The following ABTB3 variants were observed in gnomAD, a reference collection of about 807,000 sequenced individuals.
ABTB3 encodes the protein ankyrin repeat and BTB domain containing 3.
chr12:107,466,127 A>C, the ABTB3 span, among the ~76,000 whole-genome samples: 1 of 152,034 alleles, frequency 6.6e-6, no homozygotes, highest in African/African-American at 2.4e-5. Flanking sequence ...CTTTGGGGGA[A>C]AGTCTTAGTG....
the ABTB3 span, among the ~76,000 whole-genome samples, chr12:107,382,691 A>G: frequency 2.0e-5 from 3 of 152,148 alleles, no homozygotes; most frequent in Non-Finnish European, 4.4e-5. Flanking sequence ...GTCCTCACTC[A>G]TAAGTGGGAG....
At chr12:107,344,389 G>T in the ABTB3 span, among the ~76,000 whole-genome samples, 1 of 152,134 alleles carries the variant, frequency 6.6e-6, no homozygotes, top group African/African-American at 2.4e-5. Flanking sequence ...AAATTGGTTG[G>T]GTTGCCAACC....
the ABTB3 span, among the ~76,000 whole-genome samples, chr12:107,478,710 C>T: frequency 3.9e-5 from 6 of 152,122 alleles, no homozygotes; most frequent in African/African-American, 9.6e-5. Flanking sequence ...GTATATTTCA[C>T]GTGCGGGGAG....
chr12:107,528,094 G>A, the ABTB3 span, among the ~76,000 whole-genome samples: 2 of 152,186 alleles, frequency 1.3e-5, no homozygotes, highest in Admixed American at 6.5e-5. Context: ...GTATCAGCAT[G>A]GGTTTGGGCA....
chr12:107,465,788 C>T, the ABTB3 span, among the ~76,000 whole-genome samples: 2 of 152,160 alleles, frequency 1.3e-5, no homozygotes. Context: ...GCCTAACATC[C>T]CTGACTTCCC....
chr12:107,382,709 A>G, the ABTB3 span, among the ~76,000 whole-genome samples: 3 of 150,564 alleles, frequency 2.0e-5, no homozygotes, highest in Admixed American at 2.0e-4. Flanking sequence ...GAGTTGAACA[A>G]TGAGAACACA....
the ABTB3 span, among the ~76,000 whole-genome samples, chr12:107,651,125 G>A: frequency 1.1e-4 from 17 of 151,762 alleles, no homozygotes; most frequent in African/African-American, 3.6e-4. Context: ...GGCCGGCACC[G>A]TGCTCAGGGC....
At chr12:107,347,273 A>G in the ABTB3 span, among the ~76,000 whole-genome samples, 1 of 152,230 alleles carries the variant, frequency 6.6e-6, no homozygotes. Flanking sequence ...GGAGATATAA[A>G]GTTAAATATC....
the ABTB3 span, chr12:107,319,444 C>A: frequency 6.2e-7 from 1 of 1,607,614 alleles, no homozygotes; most frequent in Non-Finnish European, 8.5e-7. Context: ...CCATGGAGAT[C>A]GTGCTGTCCT....
the ABTB3 span, among the ~76,000 whole-genome samples, chr12:107,390,941 A>G: frequency 6.6e-6 from 1 of 152,298 alleles, no homozygotes; most frequent in Admixed American, 6.5e-5. Context: ...ACCTGAGGTC[A>G]GGAGTTTGAG....
chr12:107,371,478 C>T, the ABTB3 span, among the ~76,000 whole-genome samples: 16 of 152,242 alleles, frequency 1.1e-4, no homozygotes, highest in East Asian at 1.4e-3. Context: ...GAGCTGGCCT[C>T]GTTTCAGAGC....
chr12:107,380,177 A>T, the ABTB3 span, among the ~76,000 whole-genome samples: 9 of 152,216 alleles, frequency 5.9e-5, 1 homozygote, highest in Non-Finnish European at 1.2e-4. Context: ...ACCAGTGTTT[A>T]CGAATGGGTG....
chr12:107,424,718 C>T, the ABTB3 span, among the ~76,000 whole-genome samples: 1 of 152,274 alleles, frequency 6.6e-6, no homozygotes, highest in African/African-American at 2.4e-5. Context: ...ACCTGTATAC[C>T]ACCCAGCTGT....
At chr12:107,605,799 T>C in the ABTB3 span, among the ~76,000 whole-genome samples, 5 of 152,152 alleles carry the variant, frequency 3.3e-5, no homozygotes, top group African/African-American at 1.2e-4. Context: ...ATGCTGGTCT[T>C]TGAGACCCAG....
chr12:107,558,822 GAGA>G, the ABTB3 span, among the ~76,000 whole-genome samples: 2 of 152,220 alleles, frequency 1.3e-5, no homozygotes, highest in East Asian at 1.9e-4. Flanking sequence ...TTTAACAGAT[GAGA>G]AGAGTGAGGA....
chr12:107,343,506 C>A, the ABTB3 span, among the ~76,000 whole-genome samples: 1 of 152,128 alleles, frequency 6.6e-6, no homozygotes, highest in Admixed American at 6.5e-5. Context: ...CAATCCGATG[C>A]CACAATGTGT....
chr12:107,507,105 A>G, the ABTB3 span, among the ~76,000 whole-genome samples: 3 of 152,154 alleles, frequency 2.0e-5, no homozygotes, highest in Non-Finnish European at 4.4e-5. Flanking sequence ...GATGCACCAC[A>G]TTATCTCAAC....
the ABTB3 span, among the ~76,000 whole-genome samples, chr12:107,612,000 C>A: frequency 6.6e-6 from 1 of 152,152 alleles, no homozygotes; most frequent in African/African-American, 2.4e-5. Flanking sequence ...TCCTTTTATG[C>A]CTAGAAATAG....
the ABTB3 span, among the ~76,000 whole-genome samples, chr12:107,485,985 C>G: frequency 2.6e-5 from 4 of 152,162 alleles, no homozygotes; most frequent in African/African-American, 9.7e-5. Context: ...GAGAGCTGTA[C>G]AGATAAAGAT....
Sources: allele counts gnomAD v4.1 joint callset (sites outside exome capture counted in the v4.1 genomes callset), GRCh38; gene constraint gnomAD v4.1.1; transcripts MANE v1.5; gene names NCBI Gene and HGNC (gene_info 2026-07-23, HGNC 2026-07-21).